Variants in GDAP1 observed in about 807,000 individuals in gnomAD.
The protein encoded by GDAP1 is ganglioside induced differentiation associated protein 1.
A neutral mutation model predicts 40.1 loss-of-function variants in GDAP1; 34 were observed. That is an observed-to-expected ratio of 0.85 (90% confidence interval 0.64 to 1.13). The LOEUF (loss-of-function observed/expected upper bound fraction) is 1.13. GDAP1 is among the 50% of genes most tolerant of loss of function. The probability of loss-of-function intolerance (pLI) is 0.00; values close to 1 mark genes in which losing one functional copy is unlikely to be tolerated. For missense variants in GDAP1, 374 were observed against 433.7 expected, an observed-to-expected ratio of 0.86 and a Z score of 1.22; for synonymous variants, 170 against 157.4, an observed-to-expected ratio of 1.08 and a Z score of -0.60.
At chr8:74,356,237 T>C (rs1416125390) in intron 2 of GDAP1, among the ~76,000 whole-genome samples, 1 of 152,188 alleles carries the variant, frequency 6.6e-6, no homozygotes, top group Non-Finnish European at 1.5e-5. Context: ...AAGTAACTTT[T>C]CTTCTCTTTG....
At chr8:74,430,834 A>T (rs557805653) in intron 2 of GDAP1, among the ~76,000 whole-genome samples, 3 of 152,226 alleles carry the variant, frequency 2.0e-5, no homozygotes, top group Admixed American at 1.3e-4. Context: ...AAATATCTTA[A>T]ATAAATTTTT....
intron 2 of GDAP1, among the ~76,000 whole-genome samples, chr8:74,467,241 T>C (rs1189142182): frequency 6.6e-6 from 1 of 152,082 alleles, no homozygotes; most frequent in Non-Finnish European, 1.5e-5. Context: ...GAAGATCAAA[T>C]GGAATAGGTT....
At position 74,350,621 on chromosome 8, in the gene GDAP1, T is replaced by G. The variant is rs772871114; in HGVS notation, c.117+43T>G. On this transcript the variant is annotated intron_variant, in intron 1 of 5. Coordinates refer to ENST00000220822, the MANE Select transcript of GDAP1 (RefSeq NM_018972.4). ...GGCGGAGGGTGGCGCGGATCGGGCT[T>G]CAGCACTGGGACAGCTCCTTCTGAG... is the stretch of plus-strand genomic sequence containing the variant. 3 of 1,198,724 alleles carry G rather than the reference T, an allele frequency of 2.5e-6. No homozygotes were observed. In the East Asian group the frequency reaches 7.0e-5, roughly 28 times the overall value. 74.3% of individuals were successfully genotyped at this position (1,198,724 alleles called of 1,614,324 possible).
intron 2 of GDAP1, among the ~76,000 whole-genome samples, chr8:74,483,963 T>C (rs1188924272): frequency 6.6e-6 from 1 of 152,176 alleles, no homozygotes; most frequent in Non-Finnish European, 1.5e-5. Context: ...GGAACTAATA[T>C]AGTGAGGAGT....
intron 2 of GDAP1, among the ~76,000 whole-genome samples, chr8:74,358,099 G>T (rs1043335863): frequency 6.6e-6 from 1 of 152,196 alleles, no homozygotes; most frequent in African/African-American, 2.4e-5. Context: ...GGTATCTCAT[G>T]CTCTGACAGA....
At chr8:74,458,929 T>A (rs551178736) in intron 2 of GDAP1, among the ~76,000 whole-genome samples, 2 of 152,268 alleles carry the variant, frequency 1.3e-5, no homozygotes, top group African/African-American at 4.8e-5. Context: ...TCACTGAGCC[T>A]CCAGACACCC....
chr8:74,486,305 C>A (rs1170060162), intron 2 of GDAP1, among the ~76,000 whole-genome samples: 1 of 152,114 alleles, frequency 6.6e-6, no homozygotes, highest in Non-Finnish European at 1.5e-5. Flanking sequence ...TGTTCTAATG[C>A]CATGTTTCAT....
intron 2 of GDAP1, among the ~76,000 whole-genome samples, chr8:74,404,295 G>A (rs13265662): frequency 0.49 from 72,858 of 148,456 alleles, 19,047 homozygotes; most frequent in Middle Eastern, 0.56. Context: ...ACTTTTAAAT[G>A]GCAAAACCAC....
intron 2 of GDAP1, among the ~76,000 whole-genome samples, chr8:74,374,064 G>C (rs560499350): frequency 1.6e-4 from 24 of 152,286 alleles, no homozygotes; most frequent in African/African-American, 5.8e-4. Context: ...TATGTTTATT[G>C]ATTGGCGTAC....
At chr8:74,425,794 C>T (rs1805940446) in intron 2 of GDAP1, among the ~76,000 whole-genome samples, 1 of 152,140 alleles carries the variant, frequency 6.6e-6, no homozygotes, top group Non-Finnish European at 1.5e-5. Flanking sequence ...ATGGTGAAGC[C>T]TGTAGGTAGA....
intron 2 of GDAP1, among the ~76,000 whole-genome samples, chr8:74,390,651 G>A (rs573758364): frequency 6.6e-6 from 1 of 152,208 alleles, no homozygotes; most frequent in African/African-American, 2.4e-5. Context: ...CAGTCAGAAG[G>A]CATGGGGATC....
chr8:74,351,158 A>G, intron 1 of GDAP1, 116 bp from the exon 2 acceptor site: 1 of 818,384 alleles, frequency 1.2e-6, no homozygotes, highest in East Asian at 2.4e-5. Flanking sequence ...TGTTAAAACG[A>G]CTGTTGAAAA....
chr8:74,461,860 T>G, intron 2 of GDAP1, among the ~76,000 whole-genome samples: 1 of 152,244 alleles, frequency 6.6e-6, no homozygotes, highest in East Asian at 1.9e-4. Context: ...TTTATTGCCA[T>G]TAAATCTCAT....
intron 2 of GDAP1, among the ~76,000 whole-genome samples, chr8:74,420,673 T>C (rs1805844812): frequency 6.6e-6 from 1 of 152,174 alleles, no homozygotes; most frequent in South Asian, 2.1e-4. Context: ...GAAGTAGTTA[T>C]TATTATCACC....
intron 3 of GDAP1, among the ~76,000 whole-genome samples, chr8:74,361,050 C>G (rs1371629715): frequency 6.6e-6 from 1 of 151,864 alleles, no homozygotes. Flanking sequence ...TCCTTTTCCT[C>G]TCCTCTCCCT....
chr8:74,420,022 T>C (rs543941839), intron 2 of GDAP1, among the ~76,000 whole-genome samples: 1 of 152,354 alleles, frequency 6.6e-6, no homozygotes, highest in African/African-American at 2.4e-5. Flanking sequence ...TCTATGTTTG[T>C]CCTTATGACA....
At chr8:74,482,649 A>T (rs975880239) in intron 2 of GDAP1, among the ~76,000 whole-genome samples, 3 of 152,160 alleles carry the variant, frequency 2.0e-5, no homozygotes, top group Non-Finnish European at 4.4e-5. Context: ...GTTCATTTGG[A>T]AGCAACGTTT....
At chr8:74,415,485 C>T (rs1057263188) in intron 2 of GDAP1, among the ~76,000 whole-genome samples, 3 of 149,750 alleles carry the variant, frequency 2.0e-5, no homozygotes, top group African/African-American at 2.6e-5. Context: ...AACCACAGAC[C>T]CTTTGAAATA....
intron 2 of GDAP1, among the ~76,000 whole-genome samples, chr8:74,424,149 C>CT (rs1263951816): frequency 1.3e-5 from 2 of 151,982 alleles, no homozygotes; most frequent in Admixed American, 6.6e-5. Context: ...CTCCTGTATA[C>CT]TTTAAGTCAT....
Sources: gnomAD v4.1 joint callset for allele counts (sites outside exome capture counted in the v4.1 genomes callset) on GRCh38, gnomAD v4.1.1 for gene constraint, MANE v1.5 for transcripts, NCBI Gene and HGNC (gene_info 2026-07-23, HGNC 2026-07-21) for gene names.